The following CHN1 variants were observed in gnomAD, a reference collection of about 807,000 sequenced individuals.
The protein encoded by CHN1 is N-chimaerin.
In CHN1, 37 loss-of-function variants were observed where a neutral mutation model predicts 59.5. The ratio of observed to expected loss-of-function variants is 0.62; its 90% CI spans 0.48 to 0.82. The LOEUF is 0.82. Among genes scored for constraint, CHN1 ranks in the 40% least tolerant of loss-of-function variants. The probability of loss-of-function intolerance (pLI) is 0.00; values close to 1 mark genes in which losing one functional copy is unlikely to be tolerated. For missense variants in CHN1, 469 were observed against 571.0 expected (o/e 0.82, Z 1.82); for synonymous variants, 206 against 200.4 (o/e 1.03, Z -0.24).
chr2:174,855,594 G>A (rs893346237), intron 6 of CHN1, among the ~76,000 whole-genome samples: 1 of 152,108 alleles, frequency 6.6e-6, no homozygotes, highest in Non-Finnish European at 1.5e-5. Flanking sequence ...TTAGAGCCAA[G>A]AGTGGAATAT....
At chr2:174,920,532 T>C (rs949785037) in intron 3 of CHN1, among the ~76,000 whole-genome samples, 3 of 152,232 alleles carry the variant, frequency 2.0e-5, no homozygotes, top group Non-Finnish European at 4.4e-5. Context: ...TGGTTAAATA[T>C]GGCAGTTCCC....
rs571500323 is a variant in CHN1, at chr2:174,876,002, G to A, written c.549+1838C>T. ...CTGCCGCAGAGAGATACTTCCCAGT[G>A]CCAGCAATTTCACTCTCAGTAGCTA... is the stretch of plus-strand genomic sequence containing the variant. On this transcript the variant is annotated intron_variant, in intron 6 of 12. Transcript: ENST00000409900. 1.5e-4 allele frequency: 27 copies of A among 183,988 alleles called. No individual in the cohort carries two copies. In the South Asian group the frequency reaches 4.8e-3, roughly 33 times the overall value. The allele number at this position is 183,988 out of a possible 1,614,324, so 11.4% of individuals were successfully genotyped here.
intron 6 of CHN1, among the ~76,000 whole-genome samples, chr2:174,877,520 C>T (rs1265800521): frequency 6.6e-6 from 1 of 152,136 alleles, no homozygotes; most frequent in African/African-American, 2.4e-5. Flanking sequence ...GTAATAGTAG[C>T]TATCTTTTCT....
intron 5 of CHN1, among the ~76,000 whole-genome samples, chr2:174,912,166 C>CA (rs1014600228): frequency 2.0e-5 from 3 of 151,688 alleles, no homozygotes; most frequent in African/African-American, 4.8e-5. Flanking sequence ...CTCCAAAACA[C>CA]AAAAAAAGAA....
At chr2:174,927,563 CAAT>C (rs759521399) in intron 3 of CHN1, among the ~76,000 whole-genome samples, 3 of 152,258 alleles carry the variant, frequency 2.0e-5, no homozygotes, top group African/African-American at 4.8e-5. Flanking sequence ...TTCTCCCCAA[CAAT>C]GTTATTTCTT....
chr2:174,976,834 T>C (rs1022307381), intron 1 of CHN1, among the ~76,000 whole-genome samples: 1 of 152,226 alleles, frequency 6.6e-6, no homozygotes, highest in Admixed American at 6.5e-5. Context: ...CTTCCAGTCA[T>C]TGTTATACAC....
intron 1 of CHN1, among the ~76,000 whole-genome samples, chr2:175,003,459 A>G (rs920994492): frequency 2.0e-5 from 3 of 152,148 alleles, no homozygotes; most frequent in African/African-American, 4.8e-5. Flanking sequence ...TATCTTTTTT[A>G]TTCGTCAGGA....
At chr2:174,987,595 C>T (rs1691391222) in intron 1 of CHN1, among the ~76,000 whole-genome samples, 3 of 151,858 alleles carry the variant, frequency 2.0e-5, no homozygotes, top group Admixed American at 1.3e-4. Context: ...TAGCCCGCCA[C>T]CAGCTAATTT....
chr2:174,983,524 T>C (rs537967351), intron 1 of CHN1, among the ~76,000 whole-genome samples: 27 of 152,010 alleles, frequency 1.8e-4, no homozygotes, highest in African/African-American at 6.5e-4. Context: ...ACTCATACAT[T>C]CATTAAAAAA....
rs1687617078 is a variant in CHN1 at position 174,877,859 on chromosome 2, T to C, written c.530A>G (p.Asp177Gly). 1.2e-6 allele frequency: 2 copies of C among 1,613,386 alleles called. No homozygotes were observed. Among genetic ancestry groups the C allele is most frequent in the Non-Finnish European group, 1.7e-6 (2 of 1,179,516 alleles). ...THDERDSTGQ[D>G]GVSEKRLTSL... ...GCTTACCCTTTTCTCTGACACCCCA[T>C]CCTGGCCTGTAGAATCTCTCTCATC... The change falls in exon 6 of 13, where the codon GAT becomes GGT. Residue 177 changes from aspartate to glycine, a missense_variant. Asp to Gly is a moderately conservative substitution (Grantham distance 94). This residue lies in a region of CHN1 where 81 missense variants were observed against 71.7 expected (regional missense o/e 1.13). Coordinates refer to ENST00000409900, the MANE Select transcript of CHN1 (RefSeq NM_001822.7).
intron 5 of CHN1, among the ~76,000 whole-genome samples, chr2:174,907,451 C>T (rs1446350872): frequency 1.3e-5 from 2 of 152,238 alleles, no homozygotes; most frequent in East Asian, 1.9e-4. Flanking sequence ...CTTTCTATTG[C>T]CCCAGGGCTG....
chr2:174,988,859 A>T (rs1356401943), intron 1 of CHN1, among the ~76,000 whole-genome samples: 1 of 152,236 alleles, frequency 6.6e-6, no homozygotes, highest in Non-Finnish European at 1.5e-5. Flanking sequence ...AAGGGTTTAA[A>T]GTATTAGACT....
chr2:174,903,896 G>C (rs1238648036), intron 5 of CHN1, among the ~76,000 whole-genome samples: 1 of 152,108 alleles, frequency 6.6e-6, no homozygotes, highest in Non-Finnish European at 1.5e-5. Flanking sequence ...TTAAACAAAG[G>C]TATATCTGTT....
At chr2:174,858,721 T>C (rs1241232366) in intron 6 of CHN1, among the ~76,000 whole-genome samples, 1 of 152,056 alleles carries the variant, frequency 6.6e-6, no homozygotes, top group Non-Finnish European at 1.5e-5. Context: ...CTAACTTATA[T>C]GCTCTTCATA....
intron 3 of CHN1, among the ~76,000 whole-genome samples, chr2:174,929,783 A>T (rs774752500): frequency 3.3e-5 from 5 of 152,200 alleles, no homozygotes; most frequent in African/African-American, 7.2e-5. Context: ...GGAAACTACC[A>T]ATCTGTTTAT....
chr2:174,920,747 G>A (rs1461119754), intron 3 of CHN1, among the ~76,000 whole-genome samples: 1 of 152,182 alleles, frequency 6.6e-6, no homozygotes, highest in East Asian at 1.9e-4. Context: ...CTGGTTTTGT[G>A]GAAGACAATT....
intron 7 of CHN1, among the ~76,000 whole-genome samples, chr2:174,843,547 A>G (rs1185333112): frequency 6.6e-6 from 1 of 152,128 alleles, no homozygotes; most frequent in South Asian, 2.1e-4. Flanking sequence ...AAATGTAGCT[A>G]TTCTTATGCA....
chr2:174,978,145 AT>A (rs1169770422), intron 1 of CHN1, among the ~76,000 whole-genome samples: 7 of 152,176 alleles, frequency 4.6e-5, no homozygotes, highest in African/African-American at 1.7e-4. Context: ...GAAAAATGTT[AT>A]TTTATTTTGT....
chr2:174,994,985 T>C (rs1691661299), intron 1 of CHN1, among the ~76,000 whole-genome samples: 1 of 152,208 alleles, frequency 6.6e-6, no homozygotes, highest in Non-Finnish European at 1.5e-5. Flanking sequence ...GACTCTCATA[T>C]AATAAGCAAG....
Sources: allele counts gnomAD v4.1 joint callset (sites outside exome capture counted in the v4.1 genomes callset), GRCh38; gene constraint gnomAD v4.1.1; regional missense constraint gnomAD v4.1.1; transcripts MANE v1.5; gene names NCBI Gene and HGNC (gene_info 2026-07-23, HGNC 2026-07-21).